Variants in DGKB observed in about 807,000 individuals in gnomAD.
The protein encoded by DGKB is 90 kDa diacylglycerol kinase.
Under a neutral mutation model 114.3 loss-of-function variants are expected in DGKB, and 67 were observed. That is an observed-to-expected ratio of 0.59 (90% CI 0.48 to 0.72). DGKB has a LOEUF of 0.72. Among genes scored for constraint, DGKB ranks in the 30% least tolerant of loss-of-function variants. The pLI is 0.00. For synonymous variants in DGKB, 398 were observed against 323.1 expected, an observed-to-expected ratio of 1.23 and a Z score of -2.49; for missense variants, 907 against 975.2, an observed-to-expected ratio of 0.93 and a Z score of 0.93.
chr7:14,149,037 A>G lies in DGKB; in HGVS notation c.*94T>C. On this transcript the variant is annotated 3_prime_UTR_variant, in exon 26 of 26. Transcript: ENST00000402815. The stretch of plus-strand genomic sequence containing the variant: ...TAAACCACTTCCATGATTTTGCATG[A>G]GCAGGAGACTTGAAATGGTTCAAAG... 9.3e-7 allele frequency: 1 copy of G among 1,078,082 alleles called. No individual in the cohort carries two copies. Among genetic ancestry groups the G allele is most frequent in the East Asian group, 2.4e-5 (1 of 42,084 alleles). 66.8% of individuals were successfully genotyped at this position (1,078,082 alleles called of 1,614,324 possible).
chr7:14,935,094 C>A (rs373331321), intron 1 of DGKB, among the ~76,000 whole-genome samples: 7 of 152,246 alleles, frequency 4.6e-5, no homozygotes, highest in South Asian at 2.1e-4. Context: ...AATCGTGGTG[C>A]TGGGGCCTGT....
chr7:14,948,321 A>G (rs557991777), intron 1 of DGKB, among the ~76,000 whole-genome samples: 2 of 151,978 alleles, frequency 1.3e-5, no homozygotes, highest in African/African-American at 4.8e-5. Context: ...GAAGTATGAC[A>G]TTTAAATCAT....
intron 20 of DGKB, among the ~76,000 whole-genome samples, chr7:14,492,087 GT>G (rs1319059651): frequency 6.6e-6 from 1 of 151,834 alleles, no homozygotes; most frequent in Non-Finnish European, 1.5e-5. Flanking sequence ...AGATAAAAGT[GT>G]TTTGTTTATA....
intron 23 of DGKB, among the ~76,000 whole-genome samples, chr7:14,326,036 G>C (rs1489419013): frequency 1.3e-5 from 2 of 151,086 alleles, no homozygotes; most frequent in Non-Finnish European, 1.5e-5. Context: ...TTATGAGACA[G>C]ACCTGGCAAA....
intron 7 of DGKB, 38 bp from the exon 8 acceptor site, chr7:14,698,207 A>T: frequency 1.6e-6 from 2 of 1,278,408 alleles, no homozygotes; most frequent in Non-Finnish European, 2.2e-6. Flanking sequence ...TGAATACAAG[A>T]TCTTAGTGAG....
At chr7:14,855,042 G>C (rs1849922998) in intron 1 of DGKB, among the ~76,000 whole-genome samples, 1 of 152,030 alleles carries the variant, frequency 6.6e-6, no homozygotes, top group Non-Finnish European at 1.5e-5. Flanking sequence ...ATATTATAAA[G>C]GCTCTAATGT....
At chr7:14,881,116 A>C (rs1242673222) in intron 1 of DGKB, among the ~76,000 whole-genome samples, 1 of 152,206 alleles carries the variant, frequency 6.6e-6, no homozygotes, top group African/African-American at 2.4e-5. Context: ...CCATTTCCTT[A>C]CACCATTGCC....
In DGKB at chr7:14,468,633, TTTTAA is replaced by T. The variant is rs1353768686; in HGVS notation, c.1835+9523_1835+9527del. On this transcript the variant is annotated intron_variant, in intron 21 of 25. Coordinates refer to ENST00000402815, the MANE Select transcript of DGKB (RefSeq NM_001350709.2). ...GGAACAATAAATAATTTTCTTTGTG[TTTTAA>T]TTTAACAAATACTTCCTGAAAGTTT... Among the ~76,000 whole-genome samples, 7 of 151,646 alleles carry T rather than the reference TTTTAA, an allele frequency of 4.6e-5. 2 individuals carry two copies. In the East Asian group the frequency reaches 1.4e-3, roughly 29 times the overall value.
chr7:14,432,085 T>C (rs1828532806), intron 21 of DGKB, among the ~76,000 whole-genome samples: 1 of 152,160 alleles, frequency 6.6e-6, no homozygotes. Context: ...TTTATTTCTG[T>C]TGATAAAATA....
At chr7:14,425,460 C>A (rs1011153115) in intron 21 of DGKB, among the ~76,000 whole-genome samples, 2 of 152,008 alleles carry the variant, frequency 1.3e-5, no homozygotes, top group South Asian at 2.1e-4. Flanking sequence ...AAAAAAATGC[C>A]ATTTTCATAC....
At chr7:14,231,572 G>T (rs1025898035) in intron 23 of DGKB, among the ~76,000 whole-genome samples, 1 of 145,034 alleles carries the variant, frequency 6.9e-6, no homozygotes, top group East Asian at 2.1e-4. Flanking sequence ...CATATTTTAT[G>T]TGTGTATATG....
At chr7:14,350,007 A>G (rs1813160689) in intron 21 of DGKB, among the ~76,000 whole-genome samples, 1 of 152,152 alleles carries the variant, frequency 6.6e-6, no homozygotes, top group Admixed American at 6.6e-5. Context: ...TTATTCATGT[A>G]ATTATTATTT....
chr7:14,826,883 A>G (rs1331846034), intron 2 of DGKB, among the ~76,000 whole-genome samples: 1 of 152,186 alleles, frequency 6.6e-6, no homozygotes, highest in African/African-American at 2.4e-5. Flanking sequence ...GATGATAAAT[A>G]TCAGCATGTA....
intron 20 of DGKB, among the ~76,000 whole-genome samples, chr7:14,571,871 TAAGA>T (rs1017973656): frequency 6.6e-6 from 1 of 151,934 alleles, no homozygotes; most frequent in Non-Finnish European, 1.5e-5. Context: ...GTATACACCA[TAAGA>T]AAGAAAGGCT....
At position 14,599,318 on chromosome 7, in the gene DGKB, AT is replaced by A. The variant is rs1162905336; in HGVS notation, c.1433+8115del. Among the ~76,000 whole-genome samples, 6 of 152,320 alleles carry A rather than the reference AT, an allele frequency of 3.9e-5. No homozygotes were observed. The South Asian group carries it at 1.0e-3, about 26-fold the overall frequency. ...AAACCTAATTATTATGGTCACAATA[AT>A]CCTAAAACCCTCTGTGAACTAGCCC... On this transcript the variant is annotated intron_variant, in intron 17 of 25. Coordinates refer to ENST00000402815, the MANE Select transcript of DGKB (RefSeq NM_001350709.2).
At chr7:14,273,188 T>C (rs555717199) in intron 23 of DGKB, among the ~76,000 whole-genome samples, 1 of 151,870 alleles carries the variant, frequency 6.6e-6, no homozygotes, top group African/African-American at 2.4e-5. Flanking sequence ...CTACAAAAAA[T>C]ACAAAAAATT....
intron 4 of DGKB, chr7:14,749,984 A>G (rs1213092454): frequency 2.4e-6 from 1 of 419,202 alleles, no homozygotes; most frequent in Non-Finnish European, 4.8e-6. Context: ...TGTATGACAC[A>G]GTCTTTTACC....
intron 6 of DGKB, among the ~76,000 whole-genome samples, chr7:14,718,334 A>C (rs1828554626): frequency 6.6e-6 from 1 of 152,168 alleles, no homozygotes; most frequent in South Asian, 2.1e-4. Context: ...TCAGTAGTAA[A>C]TGGAACTTGA....
At chr7:14,825,016 G>GTGTGTATATA (rs1480765381) in intron 2 of DGKB, among the ~76,000 whole-genome samples, 43 of 92,408 alleles carry the variant, frequency 4.7e-4, no homozygotes, top group African/African-American at 1.4e-3. Context: ...GTATGTGTAT[G>GTGTGTATATA]TATATATATA....
Sources: gnomAD v4.1 joint callset for allele counts (sites outside exome capture counted in the v4.1 genomes callset) on GRCh38, gnomAD v4.1.1 for gene constraint, MANE v1.5 for transcripts, NCBI Gene and HGNC (gene_info 2026-07-23, HGNC 2026-07-21) for gene names.